TNFAIP8: variants seen among roughly 807,000 people sequenced by gnomAD.
TNFAIP8 encodes the protein TNF alpha induced protein 8.
In TNFAIP8, 7 loss-of-function variants were observed where a neutral mutation model predicts 13.3. That is an observed-to-expected ratio of 0.52 (90% CI 0.30 to 0.99). TNFAIP8 has a LOEUF of 0.99. Among genes scored for constraint, TNFAIP8 ranks in the 50% least tolerant of loss-of-function variants. The probability of loss-of-function intolerance (pLI) is 0.07; values close to 1 mark genes in which losing one functional copy is unlikely to be tolerated. For synonymous variants in TNFAIP8, 94 were observed against 87.6 expected (o/e 1.07, Z -0.41); for missense variants, 258 against 236.9 (o/e 1.09, Z -0.58).
intron 1 of TNFAIP8, among the ~76,000 whole-genome samples, chr5:119,274,889 T>G (rs1261504279): frequency 6.6e-6 from 1 of 152,178 alleles, no homozygotes; most frequent in East Asian, 1.9e-4. Context: ...TAAGTCAGAA[T>G]CACCAGTGAA....
chr5:119,361,650 A>G (rs1751641517), intron 1 of TNFAIP8, among the ~76,000 whole-genome samples: 1 of 152,232 alleles, frequency 6.6e-6, no homozygotes, highest in Non-Finnish European at 1.5e-5. Flanking sequence ...CATTTGTTGA[A>G]GTCAGGGTTG....
chr5:119,360,290 G>A (rs1241405831), intron 1 of TNFAIP8, among the ~76,000 whole-genome samples: 29 of 152,172 alleles, frequency 1.9e-4, no homozygotes, highest in African/African-American at 2.4e-5. Context: ...TCAGAACACT[G>A]CAGAATTGCT....
chr5:119,348,880 C>CAAAA (rs60633145), intron 1 of TNFAIP8, among the ~76,000 whole-genome samples: 11 of 90,982 alleles, frequency 1.2e-4, no homozygotes, highest in East Asian at 8.4e-4. Context: ...AACTCCATCT[C>CAAAA]AAAAAAAAAA....
chr5:119,280,334 A>G (rs576475928), intron 1 of TNFAIP8, among the ~76,000 whole-genome samples: 2 of 136,056 alleles, frequency 1.5e-5, no homozygotes, highest in East Asian at 4.0e-4. Flanking sequence ...TACCCATTAA[A>G]AAAAAAAAAA....
At chr5:119,317,599 T>TAA (rs1749936935) in intron 1 of TNFAIP8, among the ~76,000 whole-genome samples, 5 of 148,314 alleles carry the variant, frequency 3.4e-5, no homozygotes, top group Non-Finnish European at 7.4e-5. Context: ...ATAATAATAA[T>TAA]TATTATTATT....
chr5:119,374,814 T>A (rs1249323565), intron 1 of TNFAIP8, among the ~76,000 whole-genome samples: 1 of 152,174 alleles, frequency 6.6e-6, no homozygotes, highest in Admixed American at 6.5e-5. Flanking sequence ...AAGGTCAGAT[T>A]TTTTTCTGAG....
At chr5:119,392,682 C>G (rs1401517611) in intron 1 of TNFAIP8, 134 bp from the exon 2 acceptor site, 2 of 1,048,040 alleles carry the variant, frequency 1.9e-6, no homozygotes, top group Admixed American at 5.8e-5. Flanking sequence ...AGACTAATGT[C>G]GGTAGATGTA....
intron 1 of TNFAIP8, among the ~76,000 whole-genome samples, chr5:119,325,305 G>A (rs1481284908): frequency 2.6e-5 from 4 of 152,136 alleles, no homozygotes; most frequent in Non-Finnish European, 5.9e-5. Context: ...GATCTTTATT[G>A]TCACTTTGCC....
At chr5:119,268,981 T>G in intron 1 of TNFAIP8, 1 of 639,618 alleles carries the variant, frequency 1.6e-6, no homozygotes, top group East Asian at 2.9e-5. Context: ...TGCGGGCTGC[T>G]CTCGGGGAGC....
Position 119,297,580 on chromosome 5 carries a change from C to T in TNFAIP8, c.1+28673C>T, listed in dbSNP as rs572008603. On this transcript the variant is annotated intron_variant, in intron 1 of 1. Transcript: ENST00000274456. ...TGTGGTGCTGAAAAAAATGTATATT[C>T]TGTTGATTCAGGGTGGAGAGTTCTG... Among the ~76,000 whole-genome samples, 1,027 of 152,286 alleles carry T rather than the reference C, an allele frequency of 6.7e-3. 10 individuals are homozygous for T. The highest frequency in any genetic ancestry group is 0.023 in the African/African-American group (971 of 41,556).
intron 1 of TNFAIP8, among the ~76,000 whole-genome samples, chr5:119,290,679 C>T (rs753348108): frequency 3.3e-5 from 5 of 152,060 alleles, no homozygotes; most frequent in Admixed American, 6.5e-5. Context: ...ATCTTGGAGA[C>T]TGGCTGTATG....
At position 119,392,845 on chromosome 5, in the gene TNFAIP8, C is replaced by A; in HGVS notation, c.61C>A (p.Leu21Met). 1.3e-6 allele frequency: 2 copies of A among 1,550,458 alleles called. No individual in the cohort carries two copies. Among genetic ancestry groups the A allele is most frequent in the Non-Finnish European group, 1.7e-6 (2 of 1,147,080 alleles). ...VATDVFNSKN[L>M]AVQAQKKILG... ...CACAGATGTCTTTAATTCCAAAAAC[C>A]TGGCCGTTCAGGCACAAAAGAAGAT... Residue 21 changes from leucine to methionine, a missense_variant, in exon 2 of 2, where the codon CTG becomes ATG. By Grantham distance (15) the Leu-to-Met change is conservative (BLOSUM62 2). Transcript: ENST00000504771.
chr5:119,281,132 T>C (rs1404008643), intron 1 of TNFAIP8, among the ~76,000 whole-genome samples: 1 of 152,144 alleles, frequency 6.6e-6, no homozygotes, highest in Admixed American at 6.5e-5. Flanking sequence ...TTCTTGCCTA[T>C]ACCTGGAGTC....
chr5:119,313,464 C>A (rs143628099), intron 1 of TNFAIP8, among the ~76,000 whole-genome samples: 2 of 152,244 alleles, frequency 1.3e-5, no homozygotes, highest in Admixed American at 1.3e-4. Context: ...TGCCAAACCC[C>A]CAAATCCAGA....
At chr5:119,358,201 A>G (rs1368732538) in intron 1 of TNFAIP8, among the ~76,000 whole-genome samples, 2 of 150,738 alleles carry the variant, frequency 1.3e-5, no homozygotes, top group African/African-American at 4.9e-5. Context: ...CTGCCTTTGG[A>G]TGCTTCATGC....
intron 1 of TNFAIP8, among the ~76,000 whole-genome samples, chr5:119,294,190 TC>T (rs1396330802): frequency 1.8e-5 from 2 of 114,266 alleles, no homozygotes; most frequent in African/African-American, 6.6e-5. Context: ...ATGCTATCCC[TC>T]CCCCCTCCCC....
chr5:119,300,606 A>T lies in TNFAIP8; in HGVS notation c.1+31699A>T, dbSNP rs34902535. 2.0e-5 allele frequency among the ~76,000 whole-genome samples: 3 copies of T among 152,082 alleles called. No homozygotes were observed. The East Asian group carries it at 5.8e-4, about 29-fold the overall frequency. On this transcript the variant is annotated intron_variant, in intron 1 of 1. Transcript: ENST00000274456. Reference sequence around the variant, plus strand: ...GTACTTCTCTAAGGATCTGTTTTCCAGTCTCATAATTAACATTCTTAAAAA... The same window carrying T: ...GTACTTCTCTAAGGATCTGTTTTCCTGTCTCATAATTAACATTCTTAAAAA...
intron 1 of TNFAIP8, chr5:119,391,220 G>A (rs183966052): frequency 5.6e-4 from 302 of 534,534 alleles, no homozygotes; most frequent in African/African-American, 5.4e-3. Flanking sequence ...TTTTGAAGCA[G>A]CTGCCTTTTT....
chr5:119,285,521 A>G (rs941461345), intron 1 of TNFAIP8, among the ~76,000 whole-genome samples: 1 of 152,158 alleles, frequency 6.6e-6, no homozygotes, highest in African/African-American at 2.4e-5. Context: ...GAACTACAAA[A>G]TGTTGCCTTG....
Sources: allele counts gnomAD v4.1 joint callset (sites outside exome capture counted in the v4.1 genomes callset), GRCh38; gene constraint gnomAD v4.1.1; transcripts MANE v1.5; gene names NCBI Gene and HGNC (gene_info 2026-07-23, HGNC 2026-07-21).